The following SSC5D variants were observed in gnomAD, a reference collection of about 807,000 sequenced individuals.
SSC5D encodes the protein scavenger receptor cysteine rich family member with 5 domains.
In SSC5D, 106 loss-of-function variants were observed where a neutral mutation model predicts 104.6. The ratio of observed to expected loss-of-function variants is 1.01; its 90% CI spans 0.87 to 1.19. The LOEUF (loss-of-function observed/expected upper bound fraction) is 1.19, where lower values mean the gene tolerates loss of function less well. SSC5D is among the 50% of genes most tolerant of loss of function. The probability of loss-of-function intolerance (pLI) is 0.00; values close to 1 mark genes in which losing one functional copy is unlikely to be tolerated. For synonymous variants in SSC5D, 860 were observed against 883.5 expected (o/e 0.97, Z 0.47); for missense variants, 1,993 against 2,153.8 (o/e 0.93, Z 1.48).
intron 9 of SSC5D, 82 bp downstream of exon 9, chr19:55,498,279 T>C: frequency 7.0e-7 from 1 of 1,423,626 alleles, no homozygotes; most frequent in Admixed American, 2.0e-5. Context: ...TAACATTGAT[T>C]GAGTGCTTCC....
rs1169622628 is a variant in SSC5D, at chr19:55,497,627, AT to A, written c.1388-252del. Among the ~76,000 whole-genome samples the A allele has an allele frequency of 3.3e-5, 5 of 152,248 alleles. No individual in the cohort carries two copies. In the East Asian group the frequency reaches 9.7e-4, roughly 29 times the overall value. On this transcript the variant is annotated intron_variant, in intron 8 of 13. Coordinates refer to ENST00000389623, the MANE Select transcript of SSC5D (RefSeq NM_001144950.2). ...CCTAGTAGCAGACTTTCTAGATTAT[AT>A]GGTAATTTGATGTGTAGCTTTTTGA...
Position 55,488,626 on chromosome 19 carries a change from A to T in SSC5D, c.25+12A>T, listed in dbSNP as rs4405662. 1.3e-5 allele frequency: 20 copies of T among 1,548,364 alleles called. 1 individual carries two copies. Among genetic ancestry groups the T allele is most frequent in the Middle Eastern group, 3.3e-4 (2 of 6,012 alleles). The stretch of plus-strand genomic sequence containing the variant: ...GGCCTGCCTCCTTGGTGAGTGATCC[A>T]TTCTCCTTGGGGACTCGGGGGGCCT... On this transcript the variant is annotated intron_variant, in intron 1 of 13. Coordinates refer to ENST00000389623, the MANE Select transcript of SSC5D (RefSeq NM_001144950.2).
chr19:55,492,023 A>T (rs576068653), intron 6 of SSC5D: 1 of 152,568 alleles, frequency 6.6e-6, no homozygotes, highest in South Asian at 2.1e-4. Context: ...TCCAGGGGGG[A>T]GAGAAGAGAG....
rs1172747793 is a variant in SSC5D, at chr19:55,503,421, G to A, written c.2785+2220G>A. Among the ~76,000 whole-genome samples, 1 of 152,006 alleles carries A rather than the reference G, an allele frequency of 6.6e-6. No homozygotes were observed. The highest frequency in any genetic ancestry group is 2.4e-5 in the African/African-American group (1 of 41,374). Reference sequence around the variant, plus strand: ...GGTATCTTTTCCTTTGTCTCTTACGGTTGTTTTCTGAGTCTCCATCTCCCG... The same window carrying A: ...GGTATCTTTTCCTTTGTCTCTTACGATTGTTTTCTGAGTCTCCATCTCCCG... On this transcript the variant is annotated intron_variant, in intron 12 of 13. Transcript: ENST00000389623. This position sits in a 1 kb window ranked among gnomAD's most constrained non-coding sequence, Gnocchi z 4.0.
At position 55,501,204 on chromosome 19, in the gene SSC5D, G is replaced by A; in HGVS notation, c.2785+3G>A. 2 of 1,515,218 alleles carry A rather than the reference G, an allele frequency of 1.3e-6. No individual in the cohort carries two copies. Among genetic ancestry groups the A allele is most frequent in the Non-Finnish European group, 1.8e-6 (2 of 1,132,504 alleles). 93.9% of individuals were successfully genotyped at this position (1,515,218 alleles called of 1,614,324 possible). Reference sequence around the variant, plus strand: ...AATAAGGCGCCTGCCGGACACAGGTGAGAGGCCTGATTGGGGTGGCCATGG... The same window carrying A: ...AATAAGGCGCCTGCCGGACACAGGTAAGAGGCCTGATTGGGGTGGCCATGG... On this transcript the variant is annotated splice_donor_region_variant and intron_variant, in intron 12 of 13. Transcript: ENST00000389623.
At chr19:55,504,009 C>T (rs1987579459) in intron 12 of SSC5D, 5 of 1,082,638 alleles carry the variant, frequency 4.6e-6, no homozygotes, top group Non-Finnish European at 3.9e-6. Flanking sequence ...CCCCAAGAAG[C>T]GGGCCTTGAG....
At position 55,513,094 on chromosome 19, in the gene SSC5D, A is replaced by G; in HGVS notation, c.2869A>G (p.Lys957Glu). 1 of 1,550,104 alleles carries G rather than the reference A, an allele frequency of 6.5e-7. No individual in the cohort carries two copies. Among genetic ancestry groups the G allele is most frequent in the Non-Finnish European group, 8.7e-7 (1 of 1,146,006 alleles). ...GGCTGAGGGGACCCCTACCGCAGGC[A>G]AACTAGGACCAACTCTTGGGGCTGG... ...GLAEGTPTAG[K>E]LGPTLGAGTT... The change falls in exon 13 of 14, where the codon AAA becomes GAA. Residue 957 changes from lysine to glutamate, a missense_variant. By Grantham distance (56) the Lys-to-Glu change is moderately conservative (BLOSUM62 1). This residue lies in a region of SSC5D where 423 missense variants were observed against 409.2 expected (regional missense o/e 1.03). Transcript: ENST00000389623.
At chr19:55,513,213 T>G in intron 13 of SSC5D, 41 bp downstream of exon 13, 1 of 1,449,498 alleles carries the variant, frequency 6.9e-7, no homozygotes, top group Non-Finnish European at 9.1e-7. Context: ...GGACGGTATT[T>G]GTCCTGGGGT....
chr19:55,518,419 C>T lies in SSC5D; in HGVS notation c.4143C>T (p.Pro1381=), dbSNP rs1168044779. 3.2e-6 allele frequency: 5 copies of T among 1,551,262 alleles called. No homozygotes were observed. The highest frequency in any genetic ancestry group is 4.4e-6 in the Non-Finnish European group (5 of 1,146,966). Residue 1381 remains proline, a synonymous_variant, in exon 14 of 14, where the codon CCC becomes CCT. Coordinates refer to ENST00000389623, the MANE Select transcript of SSC5D (RefSeq NM_001144950.2). ...PAPHTSTSQI[P]TLEPSPALES... is the part of the protein sequence containing the mutation. ...CTCACACCTCCACATCCCAGATACCCACCTTAGAGCCCTCTCCAGCCTTGG... is the reference window on the plus strand; with the variant it reads ...CTCACACCTCCACATCCCAGATACCTACCTTAGAGCCCTCTCCAGCCTTGG...
chr19:55,516,621 G>A (rs1987877754), intron 13 of SSC5D, among the ~76,000 whole-genome samples: 1 of 146,312 alleles, frequency 6.8e-6, no homozygotes, highest in Non-Finnish European at 1.5e-5. Flanking sequence ...GGATCTTTTG[G>A]ATTAATTTTG....
Position 55,503,352 on chromosome 19 carries a change from C to T in SSC5D, c.2785+2151C>T, listed in dbSNP as rs534888148. ...TTGCTATATCACCTCATACTCTCAT[C>T]GTCTCCATTTCTCACTGCGTTCTCT... On this transcript the variant is annotated intron_variant, in intron 12 of 13. Coordinates refer to ENST00000389623, the MANE Select transcript of SSC5D (RefSeq NM_001144950.2). This position sits in a 1 kb window ranked among gnomAD's most constrained non-coding sequence, Gnocchi z 4.0. Among the ~76,000 whole-genome samples the T allele has an allele frequency of 6.6e-6, 1 of 152,270 alleles. No individual in the cohort carries two copies. The highest frequency in any genetic ancestry group is 1.5e-5 in the Non-Finnish European group (1 of 68,020).
rs1987117769 is a variant in SSC5D at position 55,490,797 on chromosome 19, C to T, written c.612C>T (p.Pro204=). 6.5e-7 allele frequency: 1 copy of T among 1,543,738 alleles called. No homozygotes were observed. Among genetic ancestry groups the T allele is most frequent in the Non-Finnish European group, 8.7e-7 (1 of 1,144,818 alleles). Reference sequence around the variant, plus strand: ...AGCGGCTGCGCCTGGTCTCTGGCCCCCACAGGTGCGCCGGACGCCTGGAGG... The same window carrying T: ...AGCGGCTGCGCCTGGTCTCTGGCCCTCACAGGTGCGCCGGACGCCTGGAGG... ...RQERLRLVSG[P]HRCAGRLEVW... is the part of the protein sequence containing the mutation. Residue 204 remains proline (P), a synonymous_variant, in exon 6 of 14, where the codon CCC becomes CCT. Transcript: ENST00000389623.
rs1987966532 is a variant in SSC5D, at chr19:55,519,067, A to G, written c.*69A>G. On this transcript the variant is annotated 3_prime_UTR_variant, in exon 14 of 14. Coordinates refer to ENST00000389623, the MANE Select transcript of SSC5D (RefSeq NM_001144950.2). ...AAAACAAAAACAAAAAAAACCCCCA[A>G]AGTATCTAATTAAAAACAAGGTGTG... The G allele has an allele frequency of 1.4e-6, 2 of 1,437,136 alleles. No homozygotes were observed. Among genetic ancestry groups the G allele is most frequent in the African/African-American group, 1.4e-5 (1 of 69,146 alleles). The allele number at this position is 1,437,136 out of a possible 1,614,324, so 89.0% of individuals were successfully genotyped here.
rs1987222736 is a variant in SSC5D at position 55,493,786 on chromosome 19, TCTGGACCCATCATC to T, written c.1094_1107del (p.Pro365ArgfsTer23). On this transcript the variant is annotated frameshift_variant, in exon 7 of 14. Transcript: ENST00000389623. LOFTEE classifies it high-confidence loss of function. Reference sequence around the variant, plus strand: ...CGGGGGCGCCTTCTTTGGGGAGGGGTCTGGACCCATCATCCTGGACGACCTTCGGTGTCGGGGAA... The same window carrying T: ...CGGGGGCGCCTTCTTTGGGGAGGGGTCTGGACGACCTTCGGTGTCGGGGAA... 1.9e-6 allele frequency: 3 copies of T among 1,545,058 alleles called. No individual in the cohort carries two copies. The highest frequency in any genetic ancestry group is 1.7e-4 in the Middle Eastern group (1 of 5,988).
rs1337120753 is a variant in SSC5D at position 55,503,486 on chromosome 19, C to T, written c.2785+2285C>T. The stretch of plus-strand genomic sequence containing the variant: ...TCTCCCGCGTGCTCTCTTCTCTCTC[C>T]CCCTCGTTTCTCTCATGGTCAGCCC... On this transcript the variant is annotated intron_variant, in intron 12 of 13. Coordinates refer to ENST00000389623, the MANE Select transcript of SSC5D (RefSeq NM_001144950.2). This position sits in a 1 kb window ranked among gnomAD's most constrained non-coding sequence, Gnocchi z 4.0. 6.6e-6 allele frequency among the ~76,000 whole-genome samples: 1 copy of T among 151,982 alleles called. No homozygotes were observed. The highest frequency in any genetic ancestry group is 1.5e-5 in the Non-Finnish European group (1 of 67,986).
chr19:55,502,310 A>C (rs1466685660), intron 12 of SSC5D, among the ~76,000 whole-genome samples: 1 of 151,180 alleles, frequency 6.6e-6, no homozygotes, highest in Non-Finnish European at 1.5e-5. Context: ...TTTATGCCGT[A>C]TTTTTTTCAT....
At chr19:55,515,737 A>AT (rs932242899) in intron 13 of SSC5D, among the ~76,000 whole-genome samples, 1 of 149,718 alleles carries the variant, frequency 6.7e-6, no homozygotes, top group African/African-American at 2.5e-5. Context: ...GTCTCAAAAA[A>AT]AAAAATAAAA....
At chr19:55,493,175 C>T (rs1054718753) in intron 6 of SSC5D, among the ~76,000 whole-genome samples, 6 of 152,190 alleles carry the variant, frequency 3.9e-5, no homozygotes, top group Non-Finnish European at 8.8e-5. Flanking sequence ...TGTCTGGAGA[C>T]GTTTTTGGTT....
chr19:55,497,350 C>T (rs1309034169), intron 8 of SSC5D, among the ~76,000 whole-genome samples: 1 of 152,114 alleles, frequency 6.6e-6, no homozygotes, highest in Non-Finnish European at 1.5e-5. Flanking sequence ...AAGAAAAAAA[C>T]CCTTATTAAA....
Sources: gnomAD v4.1 joint callset for allele counts (sites outside exome capture counted in the v4.1 genomes callset) on GRCh38, gnomAD v4.1.1 for gene constraint, gnomAD v4.1.1 regional missense constraint, Gnocchi (gnomAD v3.1) non-coding constraint, MANE v1.5 for transcripts, NCBI Gene and HGNC (gene_info 2026-07-23, HGNC 2026-07-21) for gene names.